Variants in DDHD1 observed in about 807,000 individuals in gnomAD.
DDHD1 encodes the protein DDHD domain containing 1.
DDHD1 carries 49 observed loss-of-function variants against 96.4 expected under a neutral mutation model. The observed-to-expected ratio is 0.51, with a 90% CI of 0.40 to 0.64. The LOEUF (loss-of-function observed/expected upper bound fraction) is 0.64. DDHD1 is among the 30% of genes least tolerant of loss of function. DDHD1 has a pLI of 0.00. For missense variants in DDHD1, 1,106 were observed against 1,161.2 expected, an observed-to-expected ratio of 0.95 and a Z score of 0.69; for synonymous variants, 442 against 446.5, an observed-to-expected ratio of 0.99 and a Z score of 0.13.
intron 1 of DDHD1, among the ~76,000 whole-genome samples, chr14:53,128,884 T>C (rs949032707): frequency 3.3e-5 from 5 of 152,140 alleles, no homozygotes; most frequent in African/African-American, 1.2e-4. Context: ...CCCTAACTGA[T>C]CAACTGACCT....
At chr14:53,057,406 T>C (rs1883151810) in intron 9 of DDHD1, among the ~76,000 whole-genome samples, 1 of 151,900 alleles carries the variant, frequency 6.6e-6, no homozygotes, top group Admixed American at 6.6e-5. Context: ...GTGCTTCCAT[T>C]AAAAAAAATA....
chr14:53,103,287 A>ATT, intron 2 of DDHD1: 1 of 371,290 alleles, frequency 2.7e-6, no homozygotes, highest in Non-Finnish European at 4.7e-6. Context: ...ATAATTAAAG[A>ATT]TTTTTTTTTT....
In DDHD1 at chr14:53,041,974, G is replaced by T. The variant is rs1881690665; in HGVS notation, c.*4794C>A. 6.6e-6 allele frequency: 1 copy of T among 152,086 alleles called. No homozygotes were observed. Among genetic ancestry groups the T allele is most frequent in the African/African-American group, 2.4e-5 (1 of 41,390 alleles). The allele number at this position is 152,086 out of a possible 1,614,324, so 9.4% of individuals were successfully genotyped here. A position where few individuals can be genotyped will look rare whatever the true frequency, so the allele number is the denominator to read the frequency against. On this transcript the variant is annotated 3_prime_UTR_variant, in exon 13 of 13. Coordinates refer to ENST00000673822, the MANE Select transcript of DDHD1 (RefSeq NM_001160148.2). Reference sequence around the variant, plus strand: ...TCCTATCGATTAGGGGAAACAGTCTGGTATAAGACATGGTTGGGAATCAGG... The same window carrying T: ...TCCTATCGATTAGGGGAAACAGTCTTGTATAAGACATGGTTGGGAATCAGG...
At chr14:53,133,289 C>G (rs554068000) in intron 1 of DDHD1, among the ~76,000 whole-genome samples, 1 of 152,306 alleles carries the variant, frequency 6.6e-6, no homozygotes, top group East Asian at 1.9e-4. Context: ...ACCTCTTGGT[C>G]TGGGTAAACA....
At chr14:53,049,994 G>A (rs892860849) in intron 12 of DDHD1, among the ~76,000 whole-genome samples, 5 of 152,170 alleles carry the variant, frequency 3.3e-5, no homozygotes, top group African/African-American at 1.2e-4. Context: ...CATCAGTAGC[G>A]TGCTTTCATC....
chr14:53,099,514 C>T (rs535305429), intron 2 of DDHD1, among the ~76,000 whole-genome samples: 22 of 152,140 alleles, frequency 1.4e-4, no homozygotes, highest in African/African-American at 1.9e-4. Context: ...ACCCTCAGTA[C>T]GAGTTTTCTC....
At chr14:53,145,166 AT>A (rs1890890859) in intron 1 of DDHD1, among the ~76,000 whole-genome samples, 2 of 152,118 alleles carry the variant, frequency 1.3e-5, no homozygotes, top group South Asian at 2.1e-4. Context: ...AATAAAAAAA[AT>A]AAAGCAGAGC....
chr14:53,099,447 C>T (rs533315406), intron 2 of DDHD1, among the ~76,000 whole-genome samples: 6 of 152,274 alleles, frequency 3.9e-5, no homozygotes, highest in African/African-American at 9.6e-5. Context: ...ATTTACTTGT[C>T]TTTCATGACC....
chr14:53,074,831 A>G (rs540017931), intron 4 of DDHD1, among the ~76,000 whole-genome samples: 1 of 152,248 alleles, frequency 6.6e-6, no homozygotes, highest in South Asian at 2.1e-4. Context: ...GCAACCTTGC[A>G]TGGAGCAAGT....
Position 53,095,045 on chromosome 14 carries a change from C to T in DDHD1, c.1013-1601G>A, listed in dbSNP as rs528485536. Among the ~76,000 whole-genome samples, 12 of 152,230 alleles carry T rather than the reference C, an allele frequency of 7.9e-5. No individual in the cohort carries two copies. The South Asian group carries it at 2.1e-3, about 26-fold the overall frequency. On this transcript the variant is annotated intron_variant, in intron 2 of 12. Transcript: ENST00000673822. ...CTATCACAGTGTCTGGCACATACCACAAATACAGCAATGTTTGTGGAAGTA... is the reference window on the plus strand; with the variant it reads ...CTATCACAGTGTCTGGCACATACCATAAATACAGCAATGTTTGTGGAAGTA...
At chr14:53,108,188 G>A (rs1268262015) in intron 1 of DDHD1, among the ~76,000 whole-genome samples, 1 of 152,158 alleles carries the variant, frequency 6.6e-6, no homozygotes, top group Non-Finnish European at 1.5e-5. Context: ...TCCGGATCCG[G>A]CAGGGTGTCT....
chr14:53,116,990 A>G (rs527558070), intron 1 of DDHD1, among the ~76,000 whole-genome samples: 1 of 152,296 alleles, frequency 6.6e-6, no homozygotes, highest in South Asian at 2.1e-4. Flanking sequence ...GAAAAGAGAG[A>G]AGAATTAACA....
intron 4 of DDHD1, among the ~76,000 whole-genome samples, chr14:53,084,750 C>G (rs1213786754): frequency 1.3e-5 from 2 of 152,204 alleles, no homozygotes; most frequent in Non-Finnish European, 2.9e-5. Context: ...ACTGAGGTAC[C>G]TGGTTCATCT....
chr14:53,075,903 A>G (rs1884918311), intron 4 of DDHD1, among the ~76,000 whole-genome samples: 1 of 152,106 alleles, frequency 6.6e-6, no homozygotes, highest in Non-Finnish European at 1.5e-5. Flanking sequence ...GGCTTACAGA[A>G]TATTTTAAGC....
rs960216644 is a variant in DDHD1 at position 53,152,427 on chromosome 14, A to C, written c.672T>G (p.Ser224Arg). 6.2e-6 allele frequency: 10 copies of C among 1,613,628 alleles called. No homozygotes were observed. The highest frequency in any genetic ancestry group is 7.6e-6 in the Non-Finnish European group (9 of 1,179,934). ...GGTCCTCATCGTCATCTTCTCCGGA[A>C]CTGGAGGCTGGGCCCGTGGGGGAGC... ...HVCSPTGPAS[S>R]SGEDDDEDRA... Residue 224 changes from serine to arginine, a missense_variant, in exon 1 of 13, where the codon AGT (serine) becomes AGG (arginine). By Grantham distance (110) the Ser-to-Arg change is moderately radical. Around this residue, in one of 2 missense-constraint regions of DDHD1, gnomAD observed 456 missense variants for 402.4 expected, o/e 1.13. Coordinates refer to ENST00000673822, the MANE Select transcript of DDHD1 (RefSeq NM_001160148.2).
intron 1 of DDHD1, among the ~76,000 whole-genome samples, chr14:53,114,000 C>A (rs890994032): frequency 5.3e-5 from 8 of 152,218 alleles, no homozygotes; most frequent in African/African-American, 1.7e-4. Flanking sequence ...GCACAGCAGT[C>A]TGAAGTCGAC....
chr14:53,081,736 T>C (rs1183229944), intron 4 of DDHD1, among the ~76,000 whole-genome samples: 1 of 152,208 alleles, frequency 6.6e-6, no homozygotes, highest in Non-Finnish European at 1.5e-5. Flanking sequence ...TGTTTTGTTA[T>C]AAAGCAAACT....
At chr14:53,095,640 A>T (rs1031355802) in intron 2 of DDHD1, among the ~76,000 whole-genome samples, 8 of 152,232 alleles carry the variant, frequency 5.3e-5, no homozygotes, top group African/African-American at 1.7e-4. Context: ...CAAAGAAAAT[A>T]ATGTATAAGG....
chr14:53,090,315 G>A (rs914816634), intron 4 of DDHD1, among the ~76,000 whole-genome samples: 4 of 152,198 alleles, frequency 2.6e-5, no homozygotes, highest in African/African-American at 9.6e-5. Flanking sequence ...AGACAGTGTG[G>A]TGATTCCTCA....
Sources: gnomAD v4.1 joint callset for allele counts (sites outside exome capture counted in the v4.1 genomes callset) on GRCh38, gnomAD v4.1.1 for gene constraint, gnomAD v4.1.1 regional missense constraint, MANE v1.5 for transcripts, NCBI Gene and HGNC (gene_info 2026-07-23, HGNC 2026-07-21) for gene names.